ZNF705G: variants seen among roughly 807,000 people sequenced by gnomAD.
ZNF705G encodes the protein putative zinc finger protein 705G.
Under a neutral mutation model 19.6 loss-of-function variants are expected in ZNF705G, and 23 were observed. The observed-to-expected ratio is 1.17, with a 90% CI of 0.84 to 1.66. ZNF705G has a LOEUF of 1.66. Ranked by LOEUF, ZNF705G falls within the 40% of genes most tolerant of loss-of-function variation. The pLI, the probability that ZNF705G is intolerant of heterozygous loss-of-function variation, is 0.00. For synonymous variants in ZNF705G, 146 were observed against 117.7 expected (o/e 1.24, Z -1.56); for missense variants, 457 against 354.4 (o/e 1.29, Z -2.32).
At chr8:7,383,661 G>A (rs1382056988) in intron 1 of ZNF705G, among the ~76,000 whole-genome samples, 7 of 148,968 alleles carry the variant, frequency 4.7e-5, no homozygotes, top group Non-Finnish European at 1.0e-4. Context: ...CGGGCTTTGA[G>A]GAGGTGATTA....
intron 6 of ZNF705G, among the ~76,000 whole-genome samples, 175 bp downstream of exon 6, chr8:7,359,444 G>A (rs1394750041): frequency 1.3e-5 from 2 of 149,192 alleles, no homozygotes; most frequent in South Asian, 2.1e-4. Flanking sequence ...TCATGTTATG[G>A]TTTAGAACAC....
chr8:7,357,222 T>G lies in ZNF705G; in HGVS notation c.*754A>C, dbSNP rs1459375785. The G allele has an allele frequency of 1.3e-5, 2 of 150,960 alleles. No homozygotes were observed. The highest frequency in any genetic ancestry group is 5.1e-5 in the African/African-American group (2 of 39,294). 9.4% of individuals were successfully genotyped at this position (150,960 alleles called of 1,614,324 possible). ...TGCTCTATGAAGAAAGGATTTCTCA[T>G]GATTTTTCATTGCATAACTTCTCCA... On this transcript the variant is annotated 3_prime_UTR_variant, in exon 7 of 7. Transcript: ENST00000400156.
intron 4 of ZNF705G, among the ~76,000 whole-genome samples, chr8:7,360,570 C>T (rs1359918971): frequency 6.7e-6 from 1 of 149,384 alleles, no homozygotes; most frequent in African/African-American, 2.6e-5. Flanking sequence ...CCTATGAATG[C>T]TGAGTCCATG....
Position 7,375,036 on chromosome 8 carries a change from C to G in ZNF705G, c.-72+6416G>C, listed in dbSNP as rs113731959. 1.1e-4 allele frequency among the ~76,000 whole-genome samples: 10 copies of G among 94,022 alleles called. 3 individuals carry two copies. In the South Asian group the frequency reaches 3.6e-3, roughly 34 times the overall value. The allele number at this position is 94,022 out of a possible 152,430, so 61.7% of individuals were successfully genotyped here. A position where few individuals can be genotyped will look rare whatever the true frequency, so the allele number is the denominator to read the frequency against. On this transcript the variant is annotated intron_variant, in intron 2 of 6. Coordinates refer to ENST00000400156, the MANE Select transcript of ZNF705G (RefSeq NM_001164457.3). Reference sequence around the variant, plus strand: ...TTGTAATTTCAATTTTTAAAAATAACTTCAACCTTTATTTTAGATTCAGGG... The same window carrying G: ...TTGTAATTTCAATTTTTAAAAATAAGTTCAACCTTTATTTTAGATTCAGGG...
chr8:7,382,359 C>A (rs1392177096), intron 1 of ZNF705G, among the ~76,000 whole-genome samples: 1 of 147,032 alleles, frequency 6.8e-6, no homozygotes, highest in Admixed American at 6.6e-5. Context: ...AATAATTTTG[C>A]ATTTTCTGGT....
At chr8:7,383,125 ATT>A (rs5889203) in intron 1 of ZNF705G, among the ~76,000 whole-genome samples, 641 of 125,244 alleles carry the variant, frequency 5.1e-3, no homozygotes, top group African/African-American at 0.017. Flanking sequence ...TCAATGTTTG[ATT>A]TTTTTTTTTT....
chr8:7,365,813 T>C (rs1349318496), intron 2 of ZNF705G, among the ~76,000 whole-genome samples: 1 of 149,578 alleles, frequency 6.7e-6, no homozygotes, highest in African/African-American at 2.6e-5. Context: ...CTTAGTGAAG[T>C]ATTAGGAATG....
At chr8:7,368,949 G>C (rs1806978134) in intron 2 of ZNF705G, among the ~76,000 whole-genome samples, 1 of 149,700 alleles carries the variant, frequency 6.7e-6, no homozygotes, top group African/African-American at 2.6e-5. Context: ...GTATACCTGA[G>C]ACTGGGCAAT....
intron 1 of ZNF705G, among the ~76,000 whole-genome samples, chr8:7,383,090 A>G (rs1477724569): frequency 1.3e-5 from 2 of 148,308 alleles, no homozygotes; most frequent in Non-Finnish European, 2.9e-5. Flanking sequence ...TGTAAATGGA[A>G]ATTACATTTT....
rs377223893 is a variant in ZNF705G, at chr8:7,382,153, C to G, written c.-221-552G>C. ...TGCTTCTTCTCAAGAGCAAATGACTCCACTCAAAGTAAATCACTGCAAAAT... is the reference window on the plus strand; with the variant it reads ...TGCTTCTTCTCAAGAGCAAATGACTGCACTCAAAGTAAATCACTGCAAAAT... On this transcript the variant is annotated intron_variant, in intron 1 of 6. Transcript: ENST00000400156. Among the ~76,000 whole-genome samples, 158 of 150,870 alleles carry G rather than the reference C, an allele frequency of 1.0e-3. No individual in the cohort carries two copies. The East Asian group carries it at 0.026, about 25-fold the overall frequency.
rs752740242 is a variant in ZNF705G, at chr8:7,358,267, T to G, written c.612A>C (p.Leu204=). The G allele has an allele frequency of 2.5e-6, 4 of 1,607,742 alleles. No homozygotes were observed. The highest frequency in any genetic ancestry group is 1.7e-5 in the Admixed American group (1 of 59,950). The change falls in exon 7 of 7, where the codon CTA becomes CTC. Residue 204 remains leucine, a synonymous_variant. Transcript: ENST00000400156. ...AACACTGAGTGAAGGCTTTTCTACA[T>G]AGATGACATGCATATGGCCTCTCTC... is the stretch of plus-strand genomic sequence containing the variant. The part of the protein sequence containing the change: ...HTGERPYACH[L]CRKAFTQCSH...
intron 4 of ZNF705G, 85 bp from the exon 5 acceptor site, chr8:7,360,417 A>G: frequency 2.5e-6 from 4 of 1,574,858 alleles, no homozygotes; most frequent in Non-Finnish European, 2.6e-6. Flanking sequence ...CTATCAAGGA[A>G]GAATAAAAAC....
intron 6 of ZNF705G, among the ~76,000 whole-genome samples, 196 bp from the exon 7 acceptor site, chr8:7,358,756 C>A (rs1469182718): frequency 1.3e-5 from 2 of 149,478 alleles, no homozygotes; most frequent in Admixed American, 6.6e-5. Context: ...AAGCTGGGAA[C>A]TGGGTCACAC....
intron 2 of ZNF705G, among the ~76,000 whole-genome samples, chr8:7,369,501 TG>T (rs1426229003): frequency 6.7e-6 from 1 of 149,538 alleles, no homozygotes; most frequent in African/African-American, 2.6e-5. Context: ...CTGGAAAAGC[TG>T]CAGGCACTCA....
At chr8:7,359,009 G>T (rs1207397906) in intron 6 of ZNF705G, among the ~76,000 whole-genome samples, 15 of 149,574 alleles carry the variant, frequency 1.0e-4, no homozygotes. Context: ...CAGCTTTCCT[G>T]CATTATTCCT....
At chr8:7,362,438 A>T (rs1387215837) in intron 3 of ZNF705G, among the ~76,000 whole-genome samples, 11 of 149,440 alleles carry the variant, frequency 7.4e-5, no homozygotes, top group Non-Finnish European at 1.2e-4. Context: ...GGATTTATTG[A>T]ACTCAGCTGC....
chr8:7,360,291 G>C lies in ZNF705G; in HGVS notation c.181C>G (p.Gln61Glu). The change falls in exon 5 of 7, where the codon CAA becomes GAA. Residue 61 changes from glutamine (Q) to glutamate (E), a missense_variant. Physicochemically the swap from Gln to Glu is conservative, Grantham distance 29. Transcript: ENST00000400156. ...CCTTCCCTCCACAGCTCTTTTCCTT[G>C]CTCCAGCTGCAAAATTATATAGGAT... ...SKSYIILQLE[Q>E]GKELWREGRV... is the part of the protein sequence containing the mutation. The C allele has an allele frequency of 6.3e-7, 1 of 1,591,020 alleles. No homozygotes were observed. Among genetic ancestry groups the C allele is most frequent in the Non-Finnish European group, 8.5e-7 (1 of 1,178,960 alleles).
intron 1 of ZNF705G, among the ~76,000 whole-genome samples, chr8:7,382,238 T>A (rs1440199973): frequency 3.3e-5 from 5 of 149,742 alleles, no homozygotes; most frequent in Admixed American, 2.6e-4. Context: ...AAAGCTTGCA[T>A]TCCTGATTCA....
chr8:7,368,414 T>A lies in ZNF705G; in HGVS notation c.-71-5397A>T, dbSNP rs141344932. Among the ~76,000 whole-genome samples the A allele has an allele frequency of 8.3e-3, 1,241 of 149,592 alleles. 139 individuals are homozygous for A. Among genetic ancestry groups the A allele is most frequent in the African/African-American group, 0.031 (1,191 of 38,990 alleles). ...ACTAGAGTCTTCTGGAGACTCTATA[T>A]TCTAAAATTCTTTGGAGGTAAACTG... On this transcript the variant is annotated intron_variant, in intron 2 of 6. Coordinates refer to ENST00000400156, the MANE Select transcript of ZNF705G (RefSeq NM_001164457.3).
Sources: gnomAD v4.1 joint callset for allele counts (sites outside exome capture counted in the v4.1 genomes callset) on GRCh38, gnomAD v4.1.1 for gene constraint, MANE v1.5 for transcripts, NCBI Gene and HGNC (gene_info 2026-07-23, HGNC 2026-07-21) for gene names.